KCNT1: variants seen among roughly 807,000 people sequenced by gnomAD.
KCNT1 encodes potassium channel subfamily T member 1.
A neutral mutation model predicts 147.8 loss-of-function variants in KCNT1; 78 were observed. That is an observed-to-expected ratio of 0.53 (90% CI 0.44 to 0.64). The LOEUF is 0.64. Ranked by LOEUF, KCNT1 falls within the 30% of genes least tolerant of loss-of-function variation. KCNT1 has a pLI of 0.00. For synonymous variants in KCNT1, 867 were observed against 748.8 expected, an observed-to-expected ratio of 1.16 and a Z score of -2.58; for missense variants, 1,419 against 1,750.3, an observed-to-expected ratio of 0.81 and a Z score of 3.38.
intron 19 of KCNT1, among the ~76,000 whole-genome samples, chr9:135,774,246 C>A (rs796272144): frequency 8.3e-6 from 1 of 120,186 alleles, no homozygotes; most frequent in African/African-American, 3.1e-5. Context: ...GGTGTGTGTC[C>A]GTGTGTGGTG....
At chr9:135,741,513 C>T (rs1220144930) in intron 2 of KCNT1, among the ~76,000 whole-genome samples, 1 of 152,236 alleles carries the variant, frequency 6.6e-6, no homozygotes. Context: ...CAGAAGCTCC[C>T]AGCAAACCCA....
intron 11 of KCNT1, 144 bp from the exon 12 acceptor site, chr9:135,764,887 G>A: frequency 1.4e-6 from 1 of 731,184 alleles, no homozygotes; most frequent in Non-Finnish European, 2.2e-6. Context: ...ATGTGGGAAA[G>A]GCCCCCCTAA....
At position 135,717,048 on chromosome 9, in the gene KCNT1, T is replaced by G. The variant is rs140186481; in HGVS notation, c.254+2328T>G. On this transcript the variant is annotated intron_variant, in intron 2 of 30. Coordinates refer to ENST00000371757, the MANE Select transcript of KCNT1 (RefSeq NM_020822.3). ...GGAGGGGACCTGGCCCCTGTGGTGT[T>G]GGTGTCTATAGGACAGGAGGGGACC... Among the ~76,000 whole-genome samples the G allele has an allele frequency of 4.2e-3, 635 of 151,182 alleles. 2 individuals carry two copies. The highest frequency in any genetic ancestry group is 0.013 in the African/African-American group (540 of 40,972).
At chr9:135,747,198 T>G in intron 2 of KCNT1, among the ~76,000 whole-genome samples, 1 of 149,724 alleles carries the variant, frequency 6.7e-6, no homozygotes, top group Non-Finnish European at 1.5e-5. Context: ...GCCCAGGGAG[T>G]AGAGGAGATT....
intron 19 of KCNT1, 27 bp downstream of exon 19, chr9:135,772,976 C>G: frequency 7.1e-7 from 1 of 1,413,956 alleles, no homozygotes; most frequent in Non-Finnish European, 9.3e-7. Flanking sequence ...AGACGGCTCC[C>G]AGTGGGGGGA....
intron 11 of KCNT1, among the ~76,000 whole-genome samples, 193 bp downstream of exon 11, chr9:135,760,052 G>A (rs1831812848): frequency 6.6e-6 from 1 of 152,106 alleles, no homozygotes; most frequent in Admixed American, 6.5e-5. Flanking sequence ...GTGGTGCTCA[G>A]CATGGTGGGT....
chr9:135,725,770 G>A (rs1044880448), intron 2 of KCNT1, among the ~76,000 whole-genome samples: 5 of 152,214 alleles, frequency 3.3e-5, no homozygotes, highest in Admixed American at 6.5e-5. Flanking sequence ...GGGTCCAGGC[G>A]GACAGAGTCT....
At chr9:135,765,846 T>C (rs1396182590) in intron 13 of KCNT1, 86 bp downstream of exon 13, 11 of 1,267,344 alleles carry the variant, frequency 8.7e-6, no homozygotes, top group Non-Finnish European at 1.2e-5. Flanking sequence ...TGACCGTCGC[T>C]CTCCTGGCCA....
rs7859848 is a variant in KCNT1, at chr9:135,725,987, C to G, written c.254+11267C>G. The stretch of plus-strand genomic sequence containing the variant: ...TGGGCAGCAGCCTCCCCGGCCACCA[C>G]CCAGGAGCCATGGCTGTGGGGGCTC... On this transcript the variant is annotated intron_variant, in intron 2 of 30. Coordinates refer to ENST00000371757, the MANE Select transcript of KCNT1 (RefSeq NM_020822.3). 5.9e-3 allele frequency among the ~76,000 whole-genome samples: 904 copies of G among 152,238 alleles called. 7 individuals are homozygous for G. Among genetic ancestry groups the G allele is most frequent in the African/African-American group, 0.02 (849 of 41,546 alleles).
chr9:135,723,750 A>T (rs1439738890), intron 2 of KCNT1, among the ~76,000 whole-genome samples: 1 of 152,192 alleles, frequency 6.6e-6, no homozygotes, highest in Admixed American at 6.5e-5. Context: ...TGATTCTGCC[A>T]GTCTGGCAAG....
rs767860930 is a variant in KCNT1, at chr9:135,786,401, G to A, written c.3382G>A (p.Ala1128Thr). The A allele has an allele frequency of 1.8e-5, 28 of 1,574,334 alleles. No individual in the cohort carries two copies. The highest frequency in any genetic ancestry group is 2.1e-5 in the Non-Finnish European group (24 of 1,160,702). ...RKAPKQAGRA[A>T]AAEWISQQRL... ...GGCGCCCAAGCAGGCAGGCCGGGCG[G>A]CGGCCGCGGAGTGGATCAGCCAGCA... Residue 1128 changes from alanine to threonine, a missense_variant, in exon 29 of 31, where the codon GCG (alanine) becomes ACG (threonine). Transcript: ENST00000371757.
chr9:135,754,544 C>T (rs977223703), intron 5 of KCNT1, among the ~76,000 whole-genome samples: 1 of 152,220 alleles, frequency 6.6e-6, no homozygotes, highest in Non-Finnish European at 1.5e-5. Context: ...GTCCCCAGAA[C>T]CTGCAAGGCA....
chr9:135,777,893 A>T (rs2131546118), intron 21 of KCNT1, among the ~76,000 whole-genome samples: 1 of 129,576 alleles, frequency 7.7e-6, no homozygotes, highest in African/African-American at 3.0e-5. Context: ...CCCCACTCCC[A>T]GTTCCCCCTC....
intron 11 of KCNT1, among the ~76,000 whole-genome samples, chr9:135,763,470 C>T (rs1031021664): frequency 6.6e-6 from 1 of 152,228 alleles, no homozygotes; most frequent in African/African-American, 2.4e-5. Flanking sequence ...GCAGCTTAAA[C>T]AGCAGATATG....
At chr9:135,721,807 G>A (rs1835935647) in intron 2 of KCNT1, among the ~76,000 whole-genome samples, 2 of 152,200 alleles carry the variant, frequency 1.3e-5, no homozygotes, top group South Asian at 4.1e-4. Flanking sequence ...CTGTGGACAG[G>A]GCTGGAGGCC....
chr9:135,740,818 G>A (rs751472915), intron 2 of KCNT1, among the ~76,000 whole-genome samples: 2 of 152,236 alleles, frequency 1.3e-5, no homozygotes, highest in South Asian at 2.1e-4. Context: ...GCCACCAACC[G>A]CTGGGACAGG....
rs754536937 is a variant in KCNT1 at position 135,758,370 on chromosome 9, G to T, written c.760-44G>T. The T allele has an allele frequency of 4.9e-6, 7 of 1,429,980 alleles. No homozygotes were observed. In the East Asian group the frequency reaches 6.8e-5, roughly 14 times the overall value. 88.6% of individuals were successfully genotyped at this position (1,429,980 alleles called of 1,614,324 possible). On this transcript the variant is annotated intron_variant, in intron 9 of 30. Transcript: ENST00000371757. ...GTCTCTATTCATTGGCTCCTGGCGG[G>T]GTCCACAGTCCCTGCCCGCTGACAG...
Position 135,784,612 on chromosome 9 carries a change from C to G in KCNT1, c.3021C>G (p.Leu1007=). ...GLDTTPGSGY[L]CAMKITEGDL... is the part of the protein sequence containing the mutation. ...ACACCACGCCGGGCTCGGGGTACCT[C>G]TGTGCCGTAAGTGCCCCTGGCTGCG... The change falls in exon 26 of 31, where the codon CTC becomes CTG. Residue 1007 remains leucine, a synonymous_variant. Coordinates refer to ENST00000371757, the MANE Select transcript of KCNT1 (RefSeq NM_020822.3). The G allele has an allele frequency of 6.2e-7, 1 of 1,611,052 alleles. No individual in the cohort carries two copies. The highest frequency in any genetic ancestry group is 8.5e-7 in the Non-Finnish European group (1 of 1,179,548).
chr9:135,757,612 C>T (rs1246402995), intron 9 of KCNT1, among the ~76,000 whole-genome samples: 1 of 152,154 alleles, frequency 6.6e-6, no homozygotes, highest in Non-Finnish European at 1.5e-5. Flanking sequence ...TTTTCCTAAG[C>T]CTGGAAATGA....
Sources: allele counts gnomAD v4.1 joint callset (sites outside exome capture counted in the v4.1 genomes callset), GRCh38; gene constraint gnomAD v4.1.1; transcripts MANE v1.5; gene names NCBI Gene and HGNC (gene_info 2026-07-23, HGNC 2026-07-21).